VAC14: variants seen among roughly 807,000 people sequenced by gnomAD.
The protein encoded by VAC14 is protein VAC14 homolog.
A neutral mutation model predicts 85.3 loss-of-function variants in VAC14; 47 were observed. That is an observed-to-expected ratio of 0.55 (90% confidence interval 0.44 to 0.70). The LOEUF (loss-of-function observed/expected upper bound fraction) is 0.70. Among genes scored for constraint, VAC14 ranks in the 30% least tolerant of loss-of-function variants. VAC14 has a pLI of 0.00. For missense variants in VAC14, 861 were observed against 1,004.3 expected (o/e 0.86, Z 1.93); for synonymous variants, 447 against 430.5 (o/e 1.04, Z -0.47).
intron 1 of VAC14, 150 bp from the exon 2 acceptor site, chr16:70,786,515 G>C: frequency 1.0e-6 from 1 of 993,734 alleles, no homozygotes; most frequent in Non-Finnish European, 1.4e-6. Flanking sequence ...TTCTGTTGCT[G>C]GCTGAGTCAT....
At position 70,731,569 on chromosome 16, in the gene VAC14, C is replaced by T; in HGVS notation, c.1587G>A (p.Lys529=). The T allele has an allele frequency of 6.2e-7, 1 of 1,614,154 alleles. No homozygotes were observed. The highest frequency in any genetic ancestry group is 1.1e-5 in the South Asian group (1 of 91,082). Residue 529 remains lysine, a synonymous_variant, in exon 14 of 19, where the codon AAG becomes AAA. Coordinates refer to ENST00000261776, the MANE Select transcript of VAC14 (RefSeq NM_018052.5). ...STPTMNSYFY[K]FMINLLKRFS... is the part of the protein sequence containing the mutation. ...ATCTCTTGAGAAGGTTGATCATGAA[C>T]TTATAAAAGTAAGAATTCATGGTGG... is the stretch of plus-strand genomic sequence containing the variant.
chr16:70,785,633 G>T (rs1339912724), intron 3 of VAC14, 69 bp downstream of exon 3: 1 of 1,483,232 alleles, frequency 6.7e-7, no homozygotes, highest in East Asian at 2.5e-5. Flanking sequence ...GGGGTCCAAG[G>T]TTCCAGAAGG....
At chr16:70,697,468 C>T (rs935536753) in intron 15 of VAC14, among the ~76,000 whole-genome samples, 4 of 152,248 alleles carry the variant, frequency 2.6e-5, no homozygotes, top group African/African-American at 9.6e-5. Context: ...ACCTCCCAGT[C>T]CCAGAGCTGT....
chr16:70,789,495 C>G (rs1236113858), intron 1 of VAC14, among the ~76,000 whole-genome samples: 1 of 152,236 alleles, frequency 6.6e-6, no homozygotes, highest in African/African-American at 2.4e-5. Context: ...CACACAGCTG[C>G]TCACATCTGG....
chr16:70,799,231 A>T (rs1011430908), intron 1 of VAC14, among the ~76,000 whole-genome samples: 1 of 152,336 alleles, frequency 6.6e-6, no homozygotes, highest in South Asian at 2.1e-4. Context: ...AACCCCATGG[A>T]CACGGAACCA....
At chr16:70,758,976 A>T (rs2032093140) in intron 12 of VAC14, among the ~76,000 whole-genome samples, 1 of 152,262 alleles carries the variant, frequency 6.6e-6, no homozygotes, top group Non-Finnish European at 1.5e-5. Flanking sequence ...TGAGGATGCC[A>T]GAGGGTGGAG....
Position 70,692,908 on chromosome 16 carries a change from A to G in VAC14, c.2099T>C (p.Leu700Pro). The change falls in exon 18 of 19, where the codon CTG becomes CCG. Residue 700 changes from leucine (L) to proline (P), a missense_variant. Leu to Pro is a moderately conservative substitution (Grantham distance 98, BLOSUM62 -3). Around this residue, in one of 3 missense-constraint regions of VAC14, gnomAD observed 163 missense variants for 162.2 expected, o/e 1.00. Transcript: ENST00000261776. ...GCTGCTCTGCGGCAGGAGCATGAGC[A>G]GGCCGTAGAGGGCCTTGATCAGGTA... is the stretch of plus-strand genomic sequence containing the variant. ...NPYLIKALYG[L>P]LMLLPQSSAF... The G allele has an allele frequency of 6.2e-7, 1 of 1,610,162 alleles. No homozygotes were observed.
At chr16:70,696,854 G>GGCACCT (rs1234043926) in intron 16 of VAC14, 1 of 368,324 alleles carries the variant, frequency 2.7e-6, no homozygotes, top group Admixed American at 3.9e-5. Context: ...ATCACCCGCT[G>GGCACCT]GCACCTGCCG....
chr16:70,780,132 C>G (rs892006418), intron 9 of VAC14, among the ~76,000 whole-genome samples: 1 of 151,462 alleles, frequency 6.6e-6, no homozygotes, highest in Admixed American at 6.6e-5. Flanking sequence ...CTGGGATTAC[C>G]CAGCCCGGCC....
At chr16:70,731,694 C>G (rs1227139518) in intron 13 of VAC14, 67 bp from the exon 14 acceptor site, 7 of 1,537,674 alleles carry the variant, frequency 4.6e-6, no homozygotes, top group African/African-American at 1.4e-5. Context: ...GAGATCCACA[C>G]AGAATATAAA....
chr16:70,734,804 A>G (rs2054699939), intron 13 of VAC14, among the ~76,000 whole-genome samples: 1 of 152,198 alleles, frequency 6.6e-6, no homozygotes, highest in African/African-American at 2.4e-5. Context: ...ACAAAAAAAA[A>G]AAACACTTGA....
intron 12 of VAC14, among the ~76,000 whole-genome samples, chr16:70,745,482 AGTGTGTGTGTGTGTGTGTGT>A (rs145054065): frequency 5.6e-5 from 8 of 143,778 alleles, no homozygotes; most frequent in Non-Finnish European, 1.1e-4. Flanking sequence ...GAGGGGCTTC[AGTGTGTGTGTGTGTGTGTGT>A]GTGTGTGTGT....
intron 14 of VAC14, among the ~76,000 whole-genome samples, chr16:70,720,169 G>T (rs560793895): frequency 6.6e-6 from 1 of 152,280 alleles, no homozygotes; most frequent in South Asian, 2.1e-4. Flanking sequence ...CAGTACTTGA[G>T]GGAGGCGGGG....
intron 12 of VAC14, among the ~76,000 whole-genome samples, chr16:70,760,814 G>A (rs1322544476): frequency 6.6e-6 from 1 of 152,166 alleles, no homozygotes; most frequent in African/African-American, 2.4e-5. Flanking sequence ...TGAAGTCCTA[G>A]GGAAGGAACC....
chr16:70,688,064 G>T lies in VAC14; in HGVS notation c.2213C>A (p.Ser738Tyr), dbSNP rs1048978671. ...GATGCTAGGGGAGTCAGCTTTCTGG[G>T]ACTTGGGGGCTGCCTTTAGACTGTC... is the stretch of plus-strand genomic sequence containing the variant. ...TEDSLKAAPK[S>Y]QKADSPSIDY... is the part of the protein sequence containing the mutation. Residue 738 changes from serine (S) to tyrosine (Y), a missense_variant, in exon 19 of 19, where the codon TCC becomes TAC. By Grantham distance (144) the Ser-to-Tyr change is moderately radical. This residue lies in a region of VAC14 where 163 missense variants were observed against 162.2 expected (regional missense o/e 1.00). Transcript: ENST00000261776. 1 of 1,593,058 alleles carries T rather than the reference G, an allele frequency of 6.3e-7. No individual in the cohort carries two copies. The highest frequency in any genetic ancestry group is 8.6e-7 in the Non-Finnish European group (1 of 1,167,510).
chr16:70,740,490 A>C (rs2143008766), intron 13 of VAC14, among the ~76,000 whole-genome samples: 1 of 152,326 alleles, frequency 6.6e-6, no homozygotes, highest in East Asian at 1.9e-4. Flanking sequence ...TCTCTGACAA[A>C]GGGCTCATCC....
intron 12 of VAC14, among the ~76,000 whole-genome samples, chr16:70,754,496 T>C (rs537895534): frequency 6.6e-5 from 10 of 152,170 alleles, no homozygotes; most frequent in Admixed American, 6.5e-5. Context: ...CGGTGGCCCT[T>C]CTCCCTGGCA....
chr16:70,765,809 AAGG>A (rs2032764221), intron 10 of VAC14, among the ~76,000 whole-genome samples: 1 of 152,114 alleles, frequency 6.6e-6, no homozygotes, highest in Admixed American at 6.5e-5. Context: ...GTGTCCGTGG[AAGG>A]AGGTTAGCAC....
chr16:70,781,083 G>A, intron 8 of VAC14, 144 bp from the exon 9 acceptor site: 1 of 1,133,778 alleles, frequency 8.8e-7, no homozygotes, highest in Non-Finnish European at 1.3e-6. Flanking sequence ...CAAATGGCTT[G>A]GTGCCCTCCC....
Sources: gnomAD v4.1 joint callset for allele counts (sites outside exome capture counted in the v4.1 genomes callset) on GRCh38, gnomAD v4.1.1 for gene constraint, gnomAD v4.1.1 regional missense constraint, MANE v1.5 for transcripts, NCBI Gene and HGNC (gene_info 2026-07-23, HGNC 2026-07-21) for gene names.